Variants in CTNNA2 observed in about 807,000 individuals in gnomAD.
CTNNA2 encodes the protein catenin alpha-2.
CTNNA2 carries 42 observed loss-of-function variants against 101.0 expected under a neutral mutation model. The observed-to-expected ratio is 0.42, with a 90% CI of 0.32 to 0.54. CTNNA2 has a LOEUF of 0.54. CTNNA2 is among the 20% of genes least tolerant of loss of function. CTNNA2 has a pLI of 0.14. For missense variants in CTNNA2, 871 were observed against 1,223.1 expected (o/e 0.71, Z 4.29); for synonymous variants, 450 against 456.4 (o/e 0.99, Z 0.18).
At chr2:80,272,023 T>C (rs1673531572) in intron 7 of CTNNA2, among the ~76,000 whole-genome samples, 1 of 152,204 alleles carries the variant, frequency 6.6e-6, no homozygotes, top group Admixed American at 6.5e-5. Flanking sequence ...CAGTGGACCA[T>C]AGGAGGAAAC....
intron 11 of CTNNA2, among the ~76,000 whole-genome samples, chr2:80,549,872 G>C (rs1224555031): frequency 6.6e-6 from 1 of 152,034 alleles, no homozygotes; most frequent in African/African-American, 2.4e-5. Context: ...TTAAATAATT[G>C]ACTGCCCTCC....
intron 7 of CTNNA2, among the ~76,000 whole-genome samples, chr2:80,356,385 C>T (rs893786438): frequency 6.6e-6 from 1 of 152,156 alleles, no homozygotes; most frequent in African/African-American, 2.4e-5. Flanking sequence ...CTGATTCCAA[C>T]TGCGAATCCT....
At position 80,502,343 on chromosome 2, in the gene CTNNA2, T is replaced by C. The variant is rs1229806525; in HGVS notation, c.1291-42639T>C. On this transcript the variant is annotated intron_variant, in intron 9 of 18. Coordinates refer to ENST00000402739, the MANE Select transcript of CTNNA2 (RefSeq NM_001282597.3). ...TGATTCCTGGCAACAGAGAAATACTTATGGTATGCTTATTTGTGGAAACAG... is the reference window on the plus strand; with the variant it reads ...TGATTCCTGGCAACAGAGAAATACTCATGGTATGCTTATTTGTGGAAACAG... Among the ~76,000 whole-genome samples the C allele has an allele frequency of 2.6e-5, 4 of 152,176 alleles. No homozygotes were observed. The East Asian group carries it at 7.7e-4, about 29-fold the overall frequency.
chr2:79,502,357 T>C (rs1248576953), intron 4 of CTNNA2, among the ~76,000 whole-genome samples: 2 of 152,208 alleles, frequency 1.3e-5, no homozygotes, highest in East Asian at 1.9e-4. Flanking sequence ...TATTTAATAA[T>C]GTTGAGAATG....
chr2:80,318,433 G>GA (rs1285144459), intron 7 of CTNNA2, among the ~76,000 whole-genome samples: 1 of 152,068 alleles, frequency 6.6e-6, no homozygotes, highest in Non-Finnish European at 1.5e-5. Flanking sequence ...AGTTGGGATA[G>GA]TTATGTTTAG....
chr2:80,231,060 C>T (rs1334982308), intron 7 of CTNNA2, among the ~76,000 whole-genome samples: 1 of 151,932 alleles, frequency 6.6e-6, no homozygotes, highest in Non-Finnish European at 1.5e-5. Context: ...AAACCTCCAT[C>T]TCCCAGGTTC....
At chr2:79,402,184 A>G (rs1259868044) in intron 4 of CTNNA2, among the ~76,000 whole-genome samples, 1 of 151,884 alleles carries the variant, frequency 6.6e-6, no homozygotes, top group Non-Finnish European at 1.5e-5. Context: ...GAAAGAAGAA[A>G]TAGACAGCTG....
At chr2:80,419,677 A>C in intron 9 of CTNNA2, 76 bp downstream of exon 9, 1 of 1,412,546 alleles carries the variant, frequency 7.1e-7, no homozygotes, top group Non-Finnish European at 9.7e-7. Flanking sequence ...GAATTTCACT[A>C]GAGAGATATT....
Position 80,555,760 on chromosome 2 carries a change from G to T in CTNNA2, c.1608G>T (p.Leu536=). ...IALQEGDVDT[L]DRTAGAIRGR... Reference sequence around the variant, plus strand: ...TCCAAGAGGGCGATGTGGACACTCTGGACCGGACTGCAGGGGCCATCAGGG... The same window carrying T: ...TCCAAGAGGGCGATGTGGACACTCTTGACCGGACTGCAGGGGCCATCAGGG... The change falls in exon 12 of 19, where the codon CTG becomes CTT. Residue 536 remains leucine (L), a synonymous_variant. Transcript: ENST00000402739. The T allele has an allele frequency of 6.3e-7, 1 of 1,594,184 alleles. No individual in the cohort carries two copies. Among genetic ancestry groups the T allele is most frequent in the Non-Finnish European group, 8.5e-7 (1 of 1,170,542 alleles).
chr2:79,285,973 T>C (rs1281894446), intron 2 of CTNNA2, among the ~76,000 whole-genome samples: 2 of 148,668 alleles, frequency 1.3e-5, no homozygotes, highest in East Asian at 3.9e-4. Flanking sequence ...GATAGTTAGC[T>C]CTTCTTGTTG....
At chr2:80,374,918 A>G (rs1331054142) in intron 7 of CTNNA2, among the ~76,000 whole-genome samples, 1 of 152,104 alleles carries the variant, frequency 6.6e-6, no homozygotes, top group Non-Finnish European at 1.5e-5. Flanking sequence ...ACACCTCTAC[A>G]GGACTCAACA....
chr2:80,109,371 G>C (rs1022198545), intron 7 of CTNNA2, among the ~76,000 whole-genome samples: 1 of 152,178 alleles, frequency 6.6e-6, no homozygotes, highest in African/African-American at 2.4e-5. Flanking sequence ...TGAGGCAGGA[G>C]AATTGCTTGA....
intron 3 of CTNNA2, among the ~76,000 whole-genome samples, chr2:79,778,750 C>G (rs1471083782): frequency 1.3e-5 from 2 of 152,154 alleles, no homozygotes; most frequent in Admixed American, 6.5e-5. Context: ...TCTCTCCTCT[C>G]TCTTCTCACT....
At chr2:79,410,277 A>T (rs1379275319) in intron 4 of CTNNA2, among the ~76,000 whole-genome samples, 1 of 144,072 alleles carries the variant, frequency 6.9e-6, no homozygotes, top group African/African-American at 2.6e-5. Flanking sequence ...TCTTTTCCTA[A>T]TTGAATACCC....
intron 7 of CTNNA2, among the ~76,000 whole-genome samples, chr2:80,143,581 C>T (rs375453989): frequency 1.3e-5 from 2 of 152,230 alleles, no homozygotes; most frequent in African/African-American, 2.4e-5. Flanking sequence ...TCCCCTTTAC[C>T]CACCCATGGA....
At chr2:80,389,115 A>G (rs1400721030) in intron 7 of CTNNA2, among the ~76,000 whole-genome samples, 1 of 152,268 alleles carries the variant, frequency 6.6e-6, no homozygotes, top group Non-Finnish European at 1.5e-5. Flanking sequence ...GCAGAAGGAC[A>G]GGTGATCCAA....
intron 4 of CTNNA2, among the ~76,000 whole-genome samples, chr2:79,504,375 C>T (rs530098040): frequency 2.6e-4 from 40 of 152,136 alleles, no homozygotes; most frequent in Admixed American, 7.9e-4. Flanking sequence ...CTGCAACCTC[C>T]GCCTCCCGGT....
chr2:80,050,898 T>A (rs1696835710), intron 7 of CTNNA2, among the ~76,000 whole-genome samples: 2 of 152,020 alleles, frequency 1.3e-5, no homozygotes, highest in African/African-American at 4.8e-5. Context: ...TTATTTTTTG[T>A]TTTTCGTAGC....
chr2:79,711,172 GA>G (rs143550437), intron 2 of CTNNA2, among the ~76,000 whole-genome samples: 4,766 of 152,296 alleles, frequency 0.031, 236 homozygotes, highest in African/African-American at 0.11. Flanking sequence ...TTTGAAATGA[GA>G]AAACCTATGG....
Sources: allele counts gnomAD v4.1 joint callset (sites outside exome capture counted in the v4.1 genomes callset), GRCh38; gene constraint gnomAD v4.1.1; transcripts MANE v1.5; gene names NCBI Gene and HGNC (gene_info 2026-07-23, HGNC 2026-07-21).